TBC1D2: variants seen among roughly 807,000 people sequenced by gnomAD.
TBC1D2 encodes TBC1 domain family member 2, also known as TBC1 domain family member 2A.
Under a neutral mutation model 91.1 loss-of-function variants are expected in TBC1D2, and 58 were observed. That is an observed-to-expected ratio of 0.64 (90% confidence interval 0.52 to 0.79). TBC1D2 has a LOEUF of 0.79. TBC1D2 is among the 30% of genes least tolerant of loss of function. The probability of loss-of-function intolerance (pLI) is 0.00; values close to 1 mark genes in which losing one functional copy is unlikely to be tolerated. For missense variants in TBC1D2, 1,080 were observed against 1,208.3 expected (o/e 0.89, Z 1.57); for synonymous variants, 482 against 511.5 (o/e 0.94, Z 0.78).
chr9:98,206,882 A>G (rs900969396), intron 9 of TBC1D2, among the ~76,000 whole-genome samples: 3 of 152,242 alleles, frequency 2.0e-5, no homozygotes, highest in Non-Finnish European at 2.9e-5. Context: ...TTTTGTGTGA[A>G]ATGCAAAAAT....
intron 3 of TBC1D2, among the ~76,000 whole-genome samples, chr9:98,237,309 T>C (rs1204612166): frequency 6.8e-6 from 1 of 147,744 alleles, no homozygotes; most frequent in Non-Finnish European, 1.5e-5. Context: ...ATTGCGCCAC[T>C]GCACTCTAGT....
chr9:98,225,372 A>G (rs1012044890), intron 5 of TBC1D2, among the ~76,000 whole-genome samples: 3 of 152,238 alleles, frequency 2.0e-5, no homozygotes, highest in African/African-American at 7.2e-5. Flanking sequence ...TGGGTATTGA[A>G]GTCAACCTGT....
At chr9:98,205,850 CGGCGCCG>C (rs1291410884) in intron 9 of TBC1D2, among the ~76,000 whole-genome samples, 2 of 152,150 alleles carry the variant, frequency 1.3e-5, no homozygotes, top group Non-Finnish European at 2.9e-5. Context: ...GCGTGAGCCA[CGGCGCCG>C]GGCCCACACA....
chr9:98,207,334 T>C (rs767158317), intron 9 of TBC1D2, among the ~76,000 whole-genome samples: 1 of 152,208 alleles, frequency 6.6e-6, no homozygotes, highest in Non-Finnish European at 1.5e-5. Flanking sequence ...TAAATTTTGC[T>C]TAGGTATATG....
Position 98,228,929 on chromosome 9 carries a change from G to A in TBC1D2, c.978+23C>T. 6.2e-7 allele frequency: 1 copy of A among 1,606,246 alleles called. No homozygotes were observed. Among genetic ancestry groups the A allele is most frequent in the South Asian group, 1.1e-5 (1 of 90,698 alleles). ...CTGGAGGGGTCCACTGGAACCTGGG[G>A]CCTCCCTGGGACCAGACCTCACCTT... On this transcript the variant is annotated intron_variant, in intron 5 of 12. Transcript: ENST00000465784. This position sits in a 1 kb window ranked among gnomAD's most constrained non-coding sequence, Gnocchi z 4.0.
intron 2 of TBC1D2, among the ~76,000 whole-genome samples, chr9:98,246,461 G>A (rs543835220): frequency 1.4e-4 from 22 of 152,176 alleles, no homozygotes; most frequent in Non-Finnish European, 2.6e-4. Flanking sequence ...CTCCTCAAAT[G>A]CGAGATCTTT....
intron 6 of TBC1D2, among the ~76,000 whole-genome samples, chr9:98,215,002 G>A (rs1828936535): frequency 1.3e-5 from 2 of 152,212 alleles, no homozygotes; most frequent in African/African-American, 4.8e-5. Flanking sequence ...CTTCTGGCTG[G>A]ACCCAGGCAG....
intron 3 of TBC1D2, among the ~76,000 whole-genome samples, chr9:98,241,899 C>T (rs1407060582): frequency 6.6e-6 from 1 of 152,142 alleles, no homozygotes. Flanking sequence ...CATCCAAATG[C>T]CTGTGGGGGA....
intron 5 of TBC1D2, among the ~76,000 whole-genome samples, chr9:98,224,210 AG>A (rs35091113): frequency 0.41 from 57,928 of 142,680 alleles, 12,871 homozygotes; most frequent in African/African-American, 0.58. Flanking sequence ...AAAAAAAAAA[AG>A]AAAAGAAAAG....
intron 6 of TBC1D2, among the ~76,000 whole-genome samples, chr9:98,214,076 G>A (rs1357658116): frequency 1.3e-5 from 2 of 152,230 alleles, no homozygotes; most frequent in Non-Finnish European, 2.9e-5. Context: ...CATTCTTAGA[G>A]CTATACCTCA....
At chr9:98,203,603 G>A (rs974529263) in intron 9 of TBC1D2, among the ~76,000 whole-genome samples, 195 bp from the exon 10 acceptor site, 7 of 152,172 alleles carry the variant, frequency 4.6e-5, no homozygotes, top group Non-Finnish European at 7.3e-5. Flanking sequence ...GATGACCGGC[G>A]ATTTCCAGAG....
At chr9:98,236,954 A>T (rs538757756) in intron 3 of TBC1D2, among the ~76,000 whole-genome samples, 2 of 151,390 alleles carry the variant, frequency 1.3e-5, no homozygotes, top group Non-Finnish European at 2.9e-5. Flanking sequence ...CTCATTCAAA[A>T]TACTTTTCAT....
At chr9:98,252,033 G>GAA (rs140182714) in intron 1 of TBC1D2, 107 bp from the exon 2 acceptor site, 3,319 of 1,243,150 alleles carry the variant, frequency 2.7e-3, no homozygotes, top group Non-Finnish European at 2.8e-3. Context: ...TCTTTCCCAG[G>GAA]AAAAAAAAAA....
At chr9:98,224,014 A>G (rs1196323820) in intron 5 of TBC1D2, among the ~76,000 whole-genome samples, 1 of 152,086 alleles carries the variant, frequency 6.6e-6, no homozygotes, top group South Asian at 2.1e-4. Context: ...CCTGGCTAAC[A>G]TGGTGAAACC....
chr9:98,210,006 T>C (rs890536237), intron 8 of TBC1D2, among the ~76,000 whole-genome samples: 1 of 144,434 alleles, frequency 6.9e-6, no homozygotes, highest in Non-Finnish European at 1.6e-5. Flanking sequence ...TTTTTTTTTT[T>C]GTAGAGACAG....
chr9:98,231,279 CTTTTT>C (rs35195996), intron 4 of TBC1D2, among the ~76,000 whole-genome samples: 16 of 76,714 alleles, frequency 2.1e-4, no homozygotes, highest in South Asian at 9.8e-4. Context: ...CTCAACTCTG[CTTTTT>C]TTTTTTTTTT....
chr9:98,240,266 A>G (rs1166261489), intron 3 of TBC1D2, among the ~76,000 whole-genome samples: 2 of 152,100 alleles, frequency 1.3e-5, no homozygotes, highest in African/African-American at 4.8e-5. Flanking sequence ...TGAGTGACAG[A>G]AGGAAAAATT....
Position 98,203,297 on chromosome 9 carries a change from C to T in TBC1D2, c.2262G>A (p.Thr754=), listed in dbSNP as rs116032033. Reference sequence around the variant, plus strand: ...TCCTGGCCCCACTTACCTGGGATGCCGTCAGCGTGTTGCAGTAGTAATCAG... The same window carrying T: ...TCCTGGCCCCACTTACCTGGGATGCTGTCAGCGTGTTGCAGTAGTAATCAG... ...MPADYYCNTL[T]ASQVDQRVLQ... The change falls in exon 10 of 13, where the codon ACG becomes ACA. Residue 754 remains threonine (T), a synonymous_variant. Coordinates refer to ENST00000465784, the MANE Select transcript of TBC1D2 (RefSeq NM_001267571.2). The T allele has an allele frequency of 2.5e-4, 411 of 1,614,188 alleles. 2 individuals carry two copies. The African/African-American group carries it at 4.9e-3, about 19-fold the overall frequency.
rs1829716471 is a variant in TBC1D2, at chr9:98,244,268, T to C, written c.512-139A>G. 17 of 1,124,446 alleles carry C rather than the reference T, an allele frequency of 1.5e-5. No homozygotes were observed. In the South Asian group the frequency reaches 2.0e-4, roughly 13 times the overall value. 69.7% of individuals were successfully genotyped at this position (1,124,446 alleles called of 1,614,324 possible). On this transcript the variant is annotated intron_variant, in intron 2 of 12. Coordinates refer to ENST00000465784, the MANE Select transcript of TBC1D2 (RefSeq NM_001267571.2). ...TGCAGGGGCAAGCAGGCCCTCCCTG[T>C]AGGTTAACAGCAGCAAAATAGGCTT...
Sources: gnomAD v4.1 joint callset for allele counts (sites outside exome capture counted in the v4.1 genomes callset) on GRCh38, gnomAD v4.1.1 for gene constraint, Gnocchi (gnomAD v3.1) non-coding constraint, MANE v1.5 for transcripts, NCBI Gene and HGNC (gene_info 2026-07-23, HGNC 2026-07-21) for gene names.